LIMCH1: variants seen among roughly 807,000 people sequenced by gnomAD.
LIMCH1 encodes LIM and calponin homology domains 1.
LIMCH1 carries 113 observed loss-of-function variants against 176.5 expected under a neutral mutation model. The ratio of observed to expected loss-of-function variants is 0.64; its 90% CI spans 0.55 to 0.75. LIMCH1 has a LOEUF of 0.75. Ranked by LOEUF, LIMCH1 falls within the 30% of genes least tolerant of loss-of-function variation. The pLI is 0.00. For missense variants in LIMCH1, 1,674 were observed against 1,814.9 expected (o/e 0.92, Z 1.41); for synonymous variants, 619 against 645.9 (o/e 0.96, Z 0.63).
At chr4:41,432,283 C>T (rs759767146) in intron 1 of LIMCH1, among the ~76,000 whole-genome samples, 3 of 152,158 alleles carry the variant, frequency 2.0e-5, no homozygotes, top group Non-Finnish European at 4.4e-5. Context: ...ACTTTTTGTA[C>T]AGTCTAAACT....
At chr4:41,417,617 C>G (rs1161569829) in intron 1 of LIMCH1, among the ~76,000 whole-genome samples, 2 of 152,072 alleles carry the variant, frequency 1.3e-5, no homozygotes, top group Non-Finnish European at 2.9e-5. Flanking sequence ...ACCTCCTGGG[C>G]TCAAGTGATC....
At chr4:41,661,617 A>G in intron 19 of LIMCH1, 107 bp downstream of exon 19, 1 of 796,480 alleles carries the variant, frequency 1.3e-6, no homozygotes, top group Non-Finnish European at 2.1e-6. Flanking sequence ...AGTAGTAATT[A>G]GACTCCAGGA....
intron 4 of LIMCH1, chr4:41,612,550 T>C (rs1228305116): frequency 1.4e-6 from 1 of 702,490 alleles, no homozygotes; most frequent in African/African-American, 1.7e-5. Context: ...GCCTGGACTA[T>C]TGTAATTAAT....
At chr4:41,592,440 A>G (rs542886860) in intron 1 of LIMCH1, among the ~76,000 whole-genome samples, 10 of 152,004 alleles carry the variant, frequency 6.6e-5, no homozygotes, top group African/African-American at 2.2e-4. Flanking sequence ...AATAACAACT[A>G]AGTAACAATA....
intron 1 of LIMCH1, among the ~76,000 whole-genome samples, chr4:41,380,268 T>G (rs1025473208): frequency 6.6e-6 from 1 of 152,190 alleles, no homozygotes; most frequent in African/African-American, 2.4e-5. Context: ...CTGGAAACTT[T>G]TATTTAAACA....
In LIMCH1 at chr4:41,619,265, C is replaced by T. The variant is rs1035206299; in HGVS notation, c.283C>T (p.Arg95Trp). 12 of 1,614,082 alleles carry T rather than the reference C, an allele frequency of 7.4e-6. No homozygotes were observed. The highest frequency in any genetic ancestry group is 2.2e-5 in the East Asian group (1 of 44,888). ...GAAGAAGGATGACATGTCTGCACGGCGGACTTCCCATGGTGAGCCGAAATC... is the reference window on the plus strand; with the variant it reads ...GAAGAAGGATGACATGTCTGCACGGTGGACTTCCCATGGTGAGCCGAAATC... The part of the protein sequence containing the change: ...DVKKDDMSAR[R>W]TSHGEPKSAV... Residue 95 changes from arginine to tryptophan, a missense_variant, in exon 6 of 32, where the codon CGG becomes TGG. By Grantham distance (101) the Arg-to-Trp change is moderately radical. Around this residue, in one of 3 missense-constraint regions of LIMCH1, gnomAD observed 655 missense variants for 692.2 expected, o/e 0.95. Coordinates refer to ENST00000503057, the MANE Select transcript of LIMCH1 (RefSeq NM_001330672.2).
chr4:41,468,617 T>C (rs1192010102), intron 1 of LIMCH1, among the ~76,000 whole-genome samples: 2 of 151,890 alleles, frequency 1.3e-5, no homozygotes, highest in Non-Finnish European at 2.9e-5. Flanking sequence ...TAGTAGACAG[T>C]ACATATCTTA....
intron 25 of LIMCH1, 68 bp from the exon 26 acceptor site, chr4:41,682,265 G>A: frequency 8.6e-7 from 1 of 1,169,032 alleles, no homozygotes; most frequent in Non-Finnish European, 1.2e-6. Flanking sequence ...AATATCCCTG[G>A]CCAGAGATAA....
At chr4:41,515,531 C>CT (rs1192558815) in intron 2 of LIMCH1, among the ~76,000 whole-genome samples, 1 of 152,054 alleles carries the variant, frequency 6.6e-6, no homozygotes, top group Non-Finnish European at 1.5e-5. Context: ...GTAATAATGC[C>CT]GGCCATTGAT....
At chr4:41,462,172 G>A (rs1561447126) in intron 1 of LIMCH1, among the ~76,000 whole-genome samples, 1 of 152,152 alleles carries the variant, frequency 6.6e-6, no homozygotes, top group East Asian at 1.9e-4. Context: ...ATCTGGTGTG[G>A]GGATACGATG....
intron 2 of LIMCH1, among the ~76,000 whole-genome samples, chr4:41,502,741 G>T (rs1333506775): frequency 6.6e-6 from 1 of 152,038 alleles, no homozygotes; most frequent in African/African-American, 2.4e-5. Context: ...GTCAAAATGA[G>T]TTAGGTCTAC....
intron 2 of LIMCH1, among the ~76,000 whole-genome samples, chr4:41,602,124 C>CAAAAA (rs540240960): frequency 1.4e-5 from 1 of 73,296 alleles, no homozygotes; most frequent in African/African-American, 3.1e-5. Flanking sequence ...TTGAGTAGAC[C>CAAAAA]AAAAAAAAAA....
chr4:41,446,308 C>T (rs2063284516), intron 1 of LIMCH1, among the ~76,000 whole-genome samples: 1 of 152,124 alleles, frequency 6.6e-6, no homozygotes, highest in South Asian at 2.1e-4. Flanking sequence ...CTTCCTAGTC[C>T]TGTTGCAGTT....
intron 2 of LIMCH1, among the ~76,000 whole-genome samples, chr4:41,514,139 A>G (rs2075308154): frequency 6.6e-6 from 1 of 151,182 alleles, no homozygotes; most frequent in Non-Finnish European, 1.5e-5. Flanking sequence ...CCAATACTTT[A>G]TAATGTTGCT....
chr4:41,613,751 A>T, intron 5 of LIMCH1, 90 bp downstream of exon 5: 1 of 1,092,810 alleles, frequency 9.2e-7, no homozygotes, highest in Non-Finnish European at 1.4e-6. Flanking sequence ...GCACTGGGAA[A>T]GCAGGCTCCA....
chr4:41,593,933 C>T (rs1173950243), intron 1 of LIMCH1, among the ~76,000 whole-genome samples: 1 of 152,026 alleles, frequency 6.6e-6, no homozygotes, highest in East Asian at 1.9e-4. Flanking sequence ...CTCGCAACCT[C>T]TCTCTCTCTC....
intron 1 of LIMCH1, among the ~76,000 whole-genome samples, chr4:41,488,956 C>T (rs2070227043): frequency 6.6e-6 from 1 of 152,102 alleles, no homozygotes; most frequent in African/African-American, 2.4e-5. Context: ...CTGGGCCTGA[C>T]ATTTTCTTTG....
At position 41,632,766 on chromosome 4, in the gene LIMCH1, G is replaced by C. The variant is rs200758984; in HGVS notation, c.1619G>C (p.Arg540Pro). ...QNDCRTMNCG[R>P]GDYCRRASWL... is the part of the protein sequence containing the mutation. The stretch of plus-strand genomic sequence containing the variant: ...GTCTGCAGAACAATGAATTGTGGCC[G>C]AGGTGACTATTGCAGAAGGGCCTCG... Residue 540 changes from arginine to proline, a missense_variant, in exon 11 of 32, where the codon CGA becomes CCA. Physicochemically the swap from Arg to Pro is moderately radical, Grantham distance 103 (BLOSUM62 -2). Coordinates refer to ENST00000503057, the MANE Select transcript of LIMCH1 (RefSeq NM_001330672.2). 6.5e-7 allele frequency: 1 copy of C among 1,536,106 alleles called. No individual in the cohort carries two copies. The highest frequency in any genetic ancestry group is 1.4e-5 in the African/African-American group (1 of 73,044).
chr4:41,401,553 T>G (rs1289883111), intron 1 of LIMCH1, among the ~76,000 whole-genome samples: 1 of 152,178 alleles, frequency 6.6e-6, no homozygotes, highest in Non-Finnish European at 1.5e-5. Context: ...AAGTAGTTTT[T>G]TCCAATTCTG....
Sources: allele counts gnomAD v4.1 joint callset (sites outside exome capture counted in the v4.1 genomes callset), GRCh38; gene constraint gnomAD v4.1.1; regional missense constraint gnomAD v4.1.1; transcripts MANE v1.5; gene names NCBI Gene and HGNC (gene_info 2026-07-23, HGNC 2026-07-21).